Variants in PTPN2 observed in about 807,000 individuals in gnomAD.
PTPN2 encodes tyrosine-protein phosphatase non-receptor type 2.
Under a neutral mutation model 57.3 loss-of-function variants are expected in PTPN2, and 19 were observed. The observed-to-expected ratio is 0.33, with a 90% CI of 0.23 to 0.49. PTPN2 has a LOEUF of 0.49. Among genes scored for constraint, PTPN2 ranks in the 20% least tolerant of loss-of-function variants. PTPN2 has a pLI of 0.99. For missense variants in PTPN2, 358 were observed against 501.1 expected (o/e 0.71, Z 2.73); for synonymous variants, 153 against 164.9 (o/e 0.93, Z 0.55).
intron 1 of PTPN2, among the ~76,000 whole-genome samples, chr18:12,871,637 TA>T (rs2044271623): frequency 6.6e-6 from 1 of 152,190 alleles, no homozygotes; most frequent in African/African-American, 2.4e-5. Context: ...GACATGGCAT[TA>T]AAAAATCCTT....
At chr18:12,812,678 G>A (rs949859754) in intron 7 of PTPN2, among the ~76,000 whole-genome samples, 2 of 152,112 alleles carry the variant, frequency 1.3e-5, no homozygotes, top group Non-Finnish European at 2.9e-5. Context: ...TTCATATGCC[G>A]ATGGTCTAAA....
At chr18:12,879,519 T>C (rs1411331011) in intron 1 of PTPN2, among the ~76,000 whole-genome samples, 1 of 152,248 alleles carries the variant, frequency 6.6e-6, no homozygotes, top group Admixed American at 6.5e-5. Context: ...AAGCACCTGA[T>C]ACTGTGCAAA....
chr18:12,865,800 C>G (rs2043971956), intron 1 of PTPN2, among the ~76,000 whole-genome samples: 1 of 151,544 alleles, frequency 6.6e-6, no homozygotes, highest in African/African-American at 2.4e-5. Context: ...GCACTCCAGC[C>G]CCACCCCACT....
chr18:12,840,894 T>C (rs1371742658), intron 2 of PTPN2: 1 of 1,554,832 alleles, frequency 6.4e-7, no homozygotes, highest in African/African-American at 1.3e-5. Context: ...GTCCATGACA[T>C]ATCTTCTCTA....
At chr18:12,819,094 C>CAAAAAA (rs34910954) in intron 5 of PTPN2, 2 of 271,234 alleles carry the variant, frequency 7.4e-6, no homozygotes, top group East Asian at 1.1e-4. Context: ...AACTCCATCT[C>CAAAAAA]AAAAAAAAAA....
chr18:12,792,789 C>A lies in PTPN2; in HGVS notation c.*1489G>T. 4.3e-6 allele frequency: 2 copies of A among 460,986 alleles called. No individual in the cohort carries two copies. The highest frequency in any genetic ancestry group is 5.7e-6 in the Non-Finnish European group (2 of 350,854). 28.6% of individuals were successfully genotyped at this position (460,986 alleles called of 1,614,324 possible). A position where few individuals can be genotyped will look rare whatever the true frequency, so the allele number is the denominator to read the frequency against. ...CATTTTTAGTAGAGATGGTGTTTCA[C>A]CACGTTGGCCAGGCTGGTCTTGAAC... On this transcript the variant is annotated 3_prime_UTR_variant, in exon 9 of 9. Coordinates refer to ENST00000309660, the MANE Select transcript of PTPN2 (RefSeq NM_002828.4).
chr18:12,790,338 C>A (rs1251427989), downstream of PTPN2, among the ~76,000 whole-genome samples: 1 of 152,172 alleles, frequency 6.6e-6, no homozygotes, highest in Non-Finnish European at 1.5e-5. Context: ...TTATGGTATA[C>A]AATAGTCAAC....
At chr18:12,809,153 G>A (rs2041803106) in intron 7 of PTPN2, among the ~76,000 whole-genome samples, 1 of 152,182 alleles carries the variant, frequency 6.6e-6, no homozygotes, top group Non-Finnish European at 1.5e-5. Context: ...TGGCCTTCAG[G>A]AGTAGATGGC....
chr18:12,809,059 T>C (rs910936061), intron 7 of PTPN2, among the ~76,000 whole-genome samples: 2 of 152,156 alleles, frequency 1.3e-5, no homozygotes, highest in Non-Finnish European at 2.9e-5. Context: ...AATTTGGTTG[T>C]GTCTATCAGG....
chr18:12,817,913 G>A (rs970612687), intron 5 of PTPN2, among the ~76,000 whole-genome samples: 5 of 152,172 alleles, frequency 3.3e-5, no homozygotes, highest in Non-Finnish European at 5.9e-5. Context: ...GGCCGAGGTG[G>A]GCAGATCACT....
At chr18:12,844,494 CCAT>C (rs1420860376) in intron 2 of PTPN2, among the ~76,000 whole-genome samples, 2 of 152,302 alleles carry the variant, frequency 1.3e-5, no homozygotes, top group Admixed American at 6.5e-5. Flanking sequence ...CATCCCACCA[CCAT>C]GATTTTAATT....
At chr18:12,794,766 C>A (rs1046260995) in intron 8 of PTPN2, among the ~76,000 whole-genome samples, 2 of 152,130 alleles carry the variant, frequency 1.3e-5, no homozygotes, top group South Asian at 4.1e-4. Context: ...AGACTGCAGG[C>A]GTGCACCACT....
At chr18:12,852,257 A>G (rs1417789436) in intron 2 of PTPN2, among the ~76,000 whole-genome samples, 5 of 148,854 alleles carry the variant, frequency 3.4e-5, no homozygotes, top group African/African-American at 4.9e-5. Context: ...GTGAAAAGAC[A>G]TGACAGTTGA....
rs1043767370 is a variant in PTPN2, at chr18:12,884,136, G to A, written c.6C>T (p.Pro2=). 11 of 1,584,212 alleles carry A rather than the reference G, an allele frequency of 6.9e-6. No homozygotes were observed. Among genetic ancestry groups the A allele is most frequent in the African/African-American group, 2.7e-5 (2 of 73,860 alleles). Residue 2 remains proline (P), a synonymous_variant, in exon 1 of 9, where the codon CCC becomes CCT. Transcript: ENST00000309660. ...CTTCGAACTCCCGCTCGATGGTGGT[G>A]GGCATGGCTGCGGGAGCGAGCTGGC... M[P]TTIEREFEEL...
In PTPN2 at chr18:12,801,964, GC is replaced by G. The variant is rs2041446286; in HGVS notation, c.1040+5del. 1 of 1,582,634 alleles carries G rather than the reference GC, an allele frequency of 6.3e-7. No individual in the cohort carries two copies. Among genetic ancestry groups the G allele is most frequent in the African/African-American group, 1.4e-5 (1 of 73,168 alleles). ...ATCTTTCAGCCTGTAGTTATAGAAA[GC>G]TTACCTCTCACTGTTCTCCTCCATT... On this transcript the variant is annotated splice_donor_5th_base_variant and intron_variant, in intron 8 of 8. Transcript: ENST00000309660.
intron 1 of PTPN2, among the ~76,000 whole-genome samples, chr18:12,882,985 T>TA (rs2044712359): frequency 1.3e-5 from 2 of 152,284 alleles, no homozygotes; most frequent in South Asian, 2.1e-4. Flanking sequence ...TTAAAAGAGA[T>TA]AAAGTTTTGT....
chr18:12,839,297 T>C (rs914028522), intron 2 of PTPN2, among the ~76,000 whole-genome samples: 1 of 152,204 alleles, frequency 6.6e-6, no homozygotes, highest in Admixed American at 6.5e-5. Context: ...CACAGGTCTC[T>C]TTTCCCTGCC....
intron 7 of PTPN2, among the ~76,000 whole-genome samples, chr18:12,809,099 C>T (rs1178647416): frequency 6.6e-6 from 1 of 152,170 alleles, no homozygotes; most frequent in African/African-American, 2.4e-5. Context: ...AGCTGGCTAG[C>T]CCACCACTGG....
chr18:12,851,726 C>T (rs1022809472), intron 2 of PTPN2, among the ~76,000 whole-genome samples: 4 of 152,100 alleles, frequency 2.6e-5, no homozygotes, highest in Admixed American at 6.6e-5. Flanking sequence ...GGGAGCGTGC[C>T]GAAAGCATAG....
Sources: gnomAD v4.1 joint callset for allele counts (sites outside exome capture counted in the v4.1 genomes callset) on GRCh38, gnomAD v4.1.1 for gene constraint, MANE v1.5 for transcripts, NCBI Gene and HGNC (gene_info 2026-07-23, HGNC 2026-07-21) for gene names.